The following SHISA9 variants were observed in gnomAD, a reference collection of about 807,000 sequenced individuals.
SHISA9 encodes the protein shisa family member 9.
SHISA9 carries 13 observed loss-of-function variants against 38.0 expected under a neutral mutation model. That is an observed-to-expected ratio of 0.34 (90% CI 0.22 to 0.54). The LOEUF is 0.54. SHISA9 is among the 20% of genes least tolerant of loss of function. The pLI is 0.91. For synonymous variants in SHISA9, 275 were observed against 242.0 expected (o/e 1.14, Z -1.27); for missense variants, 538 against 575.8 (o/e 0.93, Z 0.67).
At chr16:13,313,008 C>T in the SHISA9 span, among the ~76,000 whole-genome samples, 1 of 151,888 alleles carries the variant, frequency 6.6e-6, no homozygotes, top group Non-Finnish European at 1.5e-5. Flanking sequence ...GTAATCCCAG[C>T]ACTTTGGGAG....
chr16:13,172,330 T>C (rs1257438712), intron 2 of SHISA9, among the ~76,000 whole-genome samples: 1 of 152,234 alleles, frequency 6.6e-6, no homozygotes, highest in Non-Finnish European at 1.5e-5. Flanking sequence ...TGCACATCTT[T>C]GTAGTCCAAA....
chr16:13,140,147 TCCCCTC>T (rs1567225176), intron 2 of SHISA9, among the ~76,000 whole-genome samples: 4 of 20,948 alleles, frequency 1.9e-4, no homozygotes, highest in African/African-American at 7.6e-4. Flanking sequence ...TTCCCTCCCC[TCCCCTC>T]CCCTCCCCTC....
At chr16:13,352,797 C>T in the SHISA9 span, among the ~76,000 whole-genome samples, 1 of 143,058 alleles carries the variant, frequency 7.0e-6, no homozygotes, top group African/African-American at 2.7e-5. Flanking sequence ...GTGGGGGTCA[C>T]AAGGTGCTCA....
rs181021064 is a variant in SHISA9, at chr16:13,113,737, G to T, written c.692-89657G>T. On this transcript the variant is annotated intron_variant, in intron 2 of 4. Transcript: ENST00000558583. Reference sequence around the variant, plus strand: ...TGGCCTCATTTGTTTGCCTTTTCTGGCTGTGTTCTTGGCACCCATGGAGGA... The same window carrying T: ...TGGCCTCATTTGTTTGCCTTTTCTGTCTGTGTTCTTGGCACCCATGGAGGA... Among the ~76,000 whole-genome samples, 10 of 152,268 alleles carry T rather than the reference G, an allele frequency of 6.6e-5. No individual in the cohort carries two copies. In the East Asian group the frequency reaches 1.4e-3, roughly 21 times the overall value.
chr16:13,444,289 T>A, the SHISA9 span, among the ~76,000 whole-genome samples: 1 of 151,976 alleles, frequency 6.6e-6, no homozygotes, highest in Non-Finnish European at 1.5e-5. Flanking sequence ...GAGGATTGCT[T>A]GAGCCCAGAG....
intron 2 of SHISA9, among the ~76,000 whole-genome samples, chr16:13,069,546 G>C (rs749246272): frequency 1.3e-5 from 2 of 151,558 alleles, no homozygotes; most frequent in East Asian, 2.0e-4. Context: ...TGCATGTGTA[G>C]GGTGTATGTA....
intron 2 of SHISA9, among the ~76,000 whole-genome samples, chr16:13,038,076 G>A: frequency 6.6e-6 from 1 of 152,044 alleles, no homozygotes; most frequent in South Asian, 2.1e-4. Context: ...CTGCACCTCC[G>A]CCTCCCGAGT....
intron 2 of SHISA9, among the ~76,000 whole-genome samples, chr16:13,176,542 C>T (rs539467782): frequency 2.3e-4 from 35 of 152,332 alleles, no homozygotes; most frequent in African/African-American, 8.4e-4. Flanking sequence ...GTGCCACTCA[C>T]AGACACTGGG....
chr16:12,937,689 C>G (rs541671572), intron 2 of SHISA9, among the ~76,000 whole-genome samples: 7 of 152,334 alleles, frequency 4.6e-5, no homozygotes, highest in African/African-American at 1.7e-4. Flanking sequence ...TCTTCCTCTT[C>G]TGATAAGGGG....
At chr16:13,262,076 G>A in the SHISA9 span, among the ~76,000 whole-genome samples, 286 of 152,256 alleles carry the variant, frequency 1.9e-3, 2 homozygotes, top group African/African-American at 6.6e-3. Flanking sequence ...ATTGAGATAA[G>A]ACCCAGCAGT....
the SHISA9 span, among the ~76,000 whole-genome samples, chr16:13,546,111 A>T: frequency 6.6e-6 from 1 of 152,124 alleles, no homozygotes. Context: ...GTCTTTGGAG[A>T]TGTCTTTGTC....
At chr16:13,138,817 T>A (rs961900904) in intron 2 of SHISA9, among the ~76,000 whole-genome samples, 5 of 152,220 alleles carry the variant, frequency 3.3e-5, no homozygotes, top group African/African-American at 7.2e-5. Flanking sequence ...TTTTATTATT[T>A]TTTTTTTGTA....
chr16:13,164,618 G>C (rs79734314), intron 2 of SHISA9, among the ~76,000 whole-genome samples: 2,678 of 152,076 alleles, frequency 0.018, 72 homozygotes, highest in African/African-American at 0.059. Flanking sequence ...TTCCTAATGT[G>C]AGCATTTATG....
the SHISA9 span, among the ~76,000 whole-genome samples, chr16:13,420,084 A>G: frequency 1.3e-5 from 2 of 151,888 alleles, no homozygotes; most frequent in African/African-American, 4.8e-5. Context: ...CGTCTCTACT[A>G]AAAATACAGA....
At chr16:13,386,580 TGG>T in the SHISA9 span, among the ~76,000 whole-genome samples, 1 of 152,234 alleles carries the variant, frequency 6.6e-6, no homozygotes, top group African/African-American at 2.4e-5. Flanking sequence ...GAAGTGTGTC[TGG>T]CACGTACTAA....
chr16:12,920,177 A>C (rs2141726109), intron 2 of SHISA9, among the ~76,000 whole-genome samples: 1 of 137,328 alleles, frequency 7.3e-6, no homozygotes, highest in African/African-American at 2.6e-5. Context: ...AGTCGTGGGT[A>C]CGGGGAGGGG....
intron 2 of SHISA9, among the ~76,000 whole-genome samples, chr16:13,087,707 T>G (rs2073728787): frequency 1.3e-5 from 2 of 152,212 alleles, no homozygotes; most frequent in Non-Finnish European, 2.9e-5. Context: ...TTTGAGTTCT[T>G]TGTAGATTCT....
chr16:12,968,762 G>A (rs2072014519), intron 2 of SHISA9, among the ~76,000 whole-genome samples: 1 of 152,174 alleles, frequency 6.6e-6, no homozygotes, highest in Non-Finnish European at 1.5e-5. Flanking sequence ...TGTGAGTGAT[G>A]TGGGGTGTCT....
intron 2 of SHISA9, among the ~76,000 whole-genome samples, chr16:13,043,161 T>C (rs907532403): frequency 7.9e-5 from 12 of 152,160 alleles, no homozygotes; most frequent in Non-Finnish European, 1.5e-4. Flanking sequence ...GCTTTCAACA[T>C]TGACCTGAGT....
Sources: allele counts gnomAD v4.1 joint callset (sites outside exome capture counted in the v4.1 genomes callset), GRCh38; gene constraint gnomAD v4.1.1; transcripts MANE v1.5; gene names NCBI Gene and HGNC (gene_info 2026-07-23, HGNC 2026-07-21).